Variants in CEP192 observed in about 807,000 individuals in gnomAD.
CEP192 encodes centrosomal protein 192.
Under a neutral mutation model 271.8 loss-of-function variants are expected in CEP192, and 151 were observed. That is an observed-to-expected ratio of 0.56 (90% CI 0.49 to 0.64). The LOEUF (loss-of-function observed/expected upper bound fraction) is 0.64, where lower values mean the gene tolerates loss of function less well. CEP192 is among the 30% of genes least tolerant of loss of function. The pLI is 0.00. For missense variants in CEP192, 2,910 were observed against 3,020.5 expected, an observed-to-expected ratio of 0.96 and a Z score of 0.86; for synonymous variants, 995 against 1,076.5, an observed-to-expected ratio of 0.92 and a Z score of 1.48.
chr18:13,092,507 A>G lies in CEP192; in HGVS notation c.6234A>G (p.Lys2078=). The G allele has an allele frequency of 1.2e-6, 2 of 1,607,854 alleles. No homozygotes were observed. The highest frequency in any genetic ancestry group is 1.7e-6 in the Non-Finnish European group (2 of 1,177,850). The change falls in exon 34 of 45, where the codon AAA becomes AAG. Residue 2078 remains lysine (K), a synonymous_variant. Transcript: ENST00000506447. ...SSREFLQPSS[K]ASLESTSDLG... is the part of the protein sequence containing the mutation. ...GAGAATTCCTTCAGCCTTCTTCCAA[A>G]GCTAGCTTGGAATCTACAAGGTAAA...
chr18:13,040,038 T>C (rs1217789207), intron 13 of CEP192, among the ~76,000 whole-genome samples: 1 of 152,206 alleles, frequency 6.6e-6, no homozygotes, highest in African/African-American at 2.4e-5. Flanking sequence ...GATTTTGAAA[T>C]AACAGATGTA....
At chr18:13,059,412 G>T in intron 21 of CEP192, 100 bp downstream of exon 21, 16 of 889,120 alleles carry the variant, frequency 1.8e-5, no homozygotes, top group Non-Finnish European at 2.6e-5. Context: ...GTGGACGAAG[G>T]TGCCACAAAA....
At chr18:13,039,428 C>T (rs1453493438) in intron 13 of CEP192, among the ~76,000 whole-genome samples, 2 of 149,752 alleles carry the variant, frequency 1.3e-5, no homozygotes, top group African/African-American at 4.9e-5. Context: ...TGCACTCCAG[C>T]CTGGGCAACA....
chr18:13,071,348 T>A (rs2038002734), intron 28 of CEP192, 136 bp downstream of exon 28: 1 of 681,704 alleles, frequency 1.5e-6, no homozygotes, highest in African/African-American at 1.8e-5. Context: ...AAAACCTAGA[T>A]GGGCACGTGT....
intron 15 of CEP192, among the ~76,000 whole-genome samples, chr18:13,043,959 A>AGT (rs1279949603): frequency 1.3e-5 from 2 of 152,162 alleles, no homozygotes; most frequent in African/African-American, 4.8e-5. Flanking sequence ...CATCATGGGA[A>AGT]GTGGGGTATC....
At chr18:12,992,670 C>G (rs2032943888) in intron 1 of CEP192, among the ~76,000 whole-genome samples, 1 of 152,220 alleles carries the variant, frequency 6.6e-6, no homozygotes, top group Non-Finnish European at 1.5e-5. Flanking sequence ...CAAGTGTAAT[C>G]TTTTCTGGAG....
Position 12,993,744 on chromosome 18 carries a change from TTCTC to T in CEP192, c.-5+2311_-5+2314del, listed in dbSNP as rs151111409. 1.3e-3 allele frequency among the ~76,000 whole-genome samples: 201 copies of T among 152,050 alleles called. 1 individual carries two copies. Among genetic ancestry groups the T allele is most frequent in the African/African-American group, 4.4e-3 (183 of 41,298 alleles). ...TATGTGGACTGGAAACGTCTCTTAA[TTCTC>T]TCTTTCAGCCTCAGTTTCCTCAATA... On this transcript the variant is annotated intron_variant, in intron 1 of 44. Coordinates refer to ENST00000506447, the MANE Select transcript of CEP192 (RefSeq NM_032142.4).
intron 2 of CEP192, among the ~76,000 whole-genome samples, chr18:13,000,091 C>CTCTCTTT (rs1555698196): frequency 0.079 from 6,025 of 76,328 alleles, 1,005 homozygotes; most frequent in Non-Finnish European, 0.12. Context: ...TGTCTTCTCT[C>CTCTCTTT]TTTTTTTTTT....
chr18:13,031,340 C>T (rs970235919), intron 11 of CEP192, among the ~76,000 whole-genome samples: 2 of 151,002 alleles, frequency 1.3e-5, no homozygotes, highest in Admixed American at 6.6e-5. Context: ...CTCCGCCTCC[C>T]GGGTTCACGC....
chr18:13,054,810 G>A (rs1568344083), intron 18 of CEP192, among the ~76,000 whole-genome samples: 2 of 152,180 alleles, frequency 1.3e-5, no homozygotes, highest in Non-Finnish European at 2.9e-5. Flanking sequence ...TGAAGGTTAC[G>A]TCTATCTAGT....
chr18:13,096,215 T>C lies in CEP192; in HGVS notation c.6465T>C (p.Ile2155=), dbSNP rs746145631. 1.9e-6 allele frequency: 3 copies of C among 1,614,012 alleles called. No individual in the cohort carries two copies. The highest frequency in any genetic ancestry group is 2.5e-6 in the Non-Finnish European group (3 of 1,179,958). The change falls in exon 36 of 45, where the codon ATT becomes ATC. Residue 2155 remains isoleucine, a synonymous_variant. Transcript: ENST00000506447. ...TGGCAAAAACTGGACGTTTCCAGAT[T>C]GTGAATAACTCTGTGAGGTTACTGA... The part of the protein sequence containing the change: ...CDMAKTGRFQ[I]VNNSVRLLRF...
intron 35 of CEP192, 111 bp from the exon 36 acceptor site, chr18:13,096,073 A>G (rs1368432771): frequency 2.8e-6 from 3 of 1,082,278 alleles, no homozygotes; most frequent in East Asian, 4.9e-5. Context: ...CAGTTGAGAA[A>G]GCAGTAGCAT....
chr18:12,997,659 C>T (rs2145764160), intron 1 of CEP192, among the ~76,000 whole-genome samples: 1 of 152,272 alleles, frequency 6.6e-6, no homozygotes, highest in East Asian at 1.9e-4. Context: ...GGTTTTCTTA[C>T]ATAGAACTGA....
At chr18:12,998,704 C>T (rs1365551586) in intron 1 of CEP192, among the ~76,000 whole-genome samples, 1 of 152,034 alleles carries the variant, frequency 6.6e-6, no homozygotes, top group Admixed American at 6.6e-5. Context: ...GATTATTTAT[C>T]TTTTTATCCT....
chr18:13,067,366 C>T (rs904156161), intron 21 of CEP192, among the ~76,000 whole-genome samples: 5 of 152,032 alleles, frequency 3.3e-5, no homozygotes, highest in African/African-American at 1.2e-4. Flanking sequence ...TGGTTGGTTT[C>T]CCGCATTTAG....
chr18:13,105,818 A>G (rs867489087), intron 40 of CEP192, among the ~76,000 whole-genome samples: 6 of 152,210 alleles, frequency 3.9e-5, no homozygotes, highest in African/African-American at 1.4e-4. Context: ...GCAGAAGAAC[A>G]GGGGATAAGC....
At chr18:13,084,346 C>A (rs1003830675) in intron 30 of CEP192, among the ~76,000 whole-genome samples, 7 of 152,186 alleles carry the variant, frequency 4.6e-5, no homozygotes, top group African/African-American at 1.7e-4. Flanking sequence ...GCCCCTCCCC[C>A]CGTCAGGCTA....
chr18:13,007,529 T>A (rs1261942061), intron 3 of CEP192, among the ~76,000 whole-genome samples: 1 of 152,154 alleles, frequency 6.6e-6, no homozygotes, highest in Admixed American at 6.5e-5. Flanking sequence ...ACCATCTTGC[T>A]CCCCCACCTC....
chr18:13,107,578 C>G (rs1292048902), intron 40 of CEP192, among the ~76,000 whole-genome samples: 5 of 152,114 alleles, frequency 3.3e-5, no homozygotes, highest in African/African-American at 9.7e-5. Context: ...AGTGGCTATC[C>G]TTTGCTAGGA....
Sources: gnomAD v4.1 joint callset for allele counts (sites outside exome capture counted in the v4.1 genomes callset) on GRCh38, gnomAD v4.1.1 for gene constraint, MANE v1.5 for transcripts, NCBI Gene and HGNC (gene_info 2026-07-23, HGNC 2026-07-21) for gene names.